Variants in CLEC2B observed in about 807,000 individuals in gnomAD.
CLEC2B encodes C-type (calcium dependent, carbohydrate-recognition domain) lectin, superfamily member 2 (activation-induced).
A neutral mutation model predicts 16.2 loss-of-function variants in CLEC2B; 14 were observed. The observed-to-expected ratio is 0.86, with a 90% CI of 0.57 to 1.35. The LOEUF is 1.35. Ranked by LOEUF, CLEC2B falls within the 40% of genes most tolerant of loss-of-function variation. The pLI, the probability that CLEC2B is intolerant of heterozygous loss-of-function variation, is 0.00. For synonymous variants in CLEC2B, 42 were observed against 55.8 expected (o/e 0.75, Z 1.10); for missense variants, 166 against 182.3 (o/e 0.91, Z 0.52).
intron 4 of CLEC2B, among the ~76,000 whole-genome samples, 196 bp from the exon 5 acceptor site, chr12:9,853,604 G>T (rs1867869394): frequency 6.6e-6 from 1 of 152,154 alleles, no homozygotes; most frequent in Non-Finnish European, 1.5e-5. Flanking sequence ...TGTTAAACTG[G>T]CATTAGGTTG....
In CLEC2B at chr12:9,865,207, A is replaced by G. The variant is rs1469573386; in HGVS notation, c.-2-2634T>C. On this transcript the variant is annotated intron_variant, in intron 1 of 4. Coordinates refer to ENST00000228438, the MANE Select transcript of CLEC2B (RefSeq NM_005127.3). ...AAAAAAAAAAAAAAAAAAAAGCATAAAGTTAAAGTGGCTGACTTGGTAAAG... is the reference window on the plus strand; with the variant it reads ...AAAAAAAAAAAAAAAAAAAAGCATAGAGTTAAAGTGGCTGACTTGGTAAAG... 2.7e-5 allele frequency among the ~76,000 whole-genome samples: 4 copies of G among 150,048 alleles called. No homozygotes were observed. The East Asian group carries it at 7.8e-4, about 29-fold the overall frequency.
chr12:9,853,091 G>GAGAA lies in CLEC2B; in HGVS notation c.*208_*209insTTCT. On this transcript the variant is annotated 3_prime_UTR_variant, in exon 5 of 5. Coordinates refer to ENST00000228438, the MANE Select transcript of CLEC2B (RefSeq NM_005127.3). ...AAAGAAAGAAAGAAAGAAAGAGAGAGAGAGAAAGAAAGAAAGAAAAAAACT... is the reference window on the plus strand; with the variant it reads ...AAAGAAAGAAAGAAAGAAAGAGAGAGAGAAAGAGAAAGAAAGAAAGAAAAAAACT... 1 of 419,822 alleles carries GAGAA rather than the reference G, an allele frequency of 2.4e-6. No homozygotes were observed. The highest frequency in any genetic ancestry group is 4.2e-6 in the Non-Finnish European group (1 of 238,692). 26.0% of individuals were successfully genotyped at this position (419,822 alleles called of 1,614,324 possible).
chr12:9,868,915 T>A (rs11053491), intron 1 of CLEC2B, among the ~76,000 whole-genome samples: 42,118 of 152,022 alleles, frequency 0.28, 7,184 homozygotes, highest in East Asian at 0.63. Context: ...ATCATATCTA[T>A]CATCTTCTCA....
chr12:9,868,114 T>C (rs1303911155), intron 1 of CLEC2B, among the ~76,000 whole-genome samples: 1 of 149,826 alleles, frequency 6.7e-6, no homozygotes, highest in Non-Finnish European at 1.5e-5. Context: ...ATACTGAATA[T>C]ATTATTCAGT....
intron 2 of CLEC2B, among the ~76,000 whole-genome samples, chr12:9,857,848 C>T (rs970419528): frequency 1.3e-5 from 2 of 152,068 alleles, no homozygotes; most frequent in African/African-American, 4.8e-5. Flanking sequence ...TTTCTTTCAA[C>T]TTCAACTTCA....
intron 2 of CLEC2B, 54 bp from the exon 3 acceptor site, chr12:9,857,691 G>A: frequency 7.5e-7 from 1 of 1,340,288 alleles, no homozygotes; most frequent in South Asian, 1.2e-5. Context: ...ATATGCTACT[G>A]TGTTTTGAGA....
rs1591767565 is a variant in CLEC2B, at chr12:9,853,119, G to A, written c.*181C>T. ...AGAAAGAAAGAAAGAAAAAAACTCA[G>A]CAGAATACCTGTAACCATTTTTTGC... On this transcript the variant is annotated 3_prime_UTR_variant, in exon 5 of 5. Coordinates refer to ENST00000228438, the MANE Select transcript of CLEC2B (RefSeq NM_005127.3). 23 of 472,290 alleles carry A rather than the reference G, an allele frequency of 4.9e-5. 2 individuals carry two copies. The highest frequency in any genetic ancestry group is 4.1e-4 in the East Asian group (12 of 29,374). 29.3% of individuals were successfully genotyped at this position (472,290 alleles called of 1,614,324 possible). A position where few individuals can be genotyped will look rare whatever the true frequency, so the allele number is the denominator to read the frequency against.
chr12:9,862,598 T>C, intron 1 of CLEC2B, 25 bp from the exon 2 acceptor site: 2 of 1,413,730 alleles, frequency 1.4e-6, no homozygotes, highest in Non-Finnish European at 9.3e-7. Context: ...TAAAGACATT[T>C]AGGAGACTTC....
intron 3 of CLEC2B, 105 bp from the exon 4 acceptor site, chr12:9,854,589 C>A: frequency 2.7e-6 from 2 of 737,906 alleles, no homozygotes; most frequent in South Asian, 1.5e-5. Context: ...AACAATTGTT[C>A]AACTCCTGGC....
intron 3 of CLEC2B, chr12:9,854,817 A>G: frequency 2.6e-6 from 1 of 387,592 alleles, no homozygotes; most frequent in Non-Finnish European, 4.6e-6. Context: ...ATTTCCAATT[A>G]CCACATATTT....
intron 1 of CLEC2B, among the ~76,000 whole-genome samples, chr12:9,864,133 A>G (rs1190945366): frequency 2.0e-5 from 3 of 149,828 alleles, no homozygotes; most frequent in Non-Finnish European, 4.4e-5. Flanking sequence ...ATACAGACCA[A>G]GAGAAAAGTG....
chr12:9,860,065 TA>T (rs951201738), intron 2 of CLEC2B, among the ~76,000 whole-genome samples: 4 of 151,596 alleles, frequency 2.6e-5, no homozygotes, highest in African/African-American at 9.7e-5. Flanking sequence ...TGGGAAATAT[TA>T]AAAAAATTTT....
chr12:9,854,457 A>G lies in CLEC2B; in HGVS notation c.265T>C (p.Ser89Pro). 6.2e-7 allele frequency: 1 copy of G among 1,613,238 alleles called. No individual in the cohort carries two copies. Among genetic ancestry groups the G allele is most frequent in the Non-Finnish European group, 8.5e-7 (1 of 1,179,236 alleles). The change falls in exon 4 of 5, where the codon TCT (serine) becomes CCT (proline). Residue 89 changes from serine (S) to proline (P), a missense_variant. Coordinates refer to ENST00000228438, the MANE Select transcript of CLEC2B (RefSeq NM_005127.3). The stretch of plus-strand genomic sequence containing the variant: ...ATCTTCAGTCCAATCCAGTGATCAG[A>G]ACTGCATTTATACCGCCTAAGAAAA... ...MNFLRRYKCS[S>P]DHWIGLKMAK...
chr12:9,861,343 T>A (rs1867931026), intron 2 of CLEC2B, among the ~76,000 whole-genome samples: 1 of 151,950 alleles, frequency 6.6e-6, no homozygotes, highest in African/African-American at 2.4e-5. Context: ...GTATTGATCA[T>A]CAGAAAAACG....
intron 2 of CLEC2B, among the ~76,000 whole-genome samples, chr12:9,861,412 A>G (rs1867931685): frequency 1.3e-5 from 2 of 152,088 alleles, no homozygotes; most frequent in South Asian, 4.1e-4. Context: ...AAAATTGATA[A>G]AACCAACAAT....
intron 4 of CLEC2B, among the ~76,000 whole-genome samples, chr12:9,853,609 A>T (rs1281839314): frequency 6.6e-6 from 1 of 152,232 alleles, no homozygotes; most frequent in Non-Finnish European, 1.5e-5. Context: ...AACTGGCATT[A>T]GGTTGGTTAC....
In CLEC2B at chr12:9,866,772, T is replaced by TA. The variant is rs531342028; in HGVS notation, c.-3+2432dup. Among the ~76,000 whole-genome samples, 1,019 of 151,562 alleles carry TA rather than the reference T, an allele frequency of 6.7e-3. 7 individuals carry two copies. Among genetic ancestry groups the TA allele is most frequent in the African/African-American group, 0.022 (929 of 41,342 alleles). On this transcript the variant is annotated intron_variant, in intron 1 of 4. Transcript: ENST00000228438. ...TGCTTAAATCAATGGCCTTTTCAAT[T>TA]AAAAAAAAATCTAGCTTATTGAAGT...
chr12:9,854,335 G>C, intron 4 of CLEC2B, 46 bp downstream of exon 4: 2 of 1,265,016 alleles, frequency 1.6e-6, no homozygotes, highest in South Asian at 1.2e-5. Flanking sequence ...CCTAGAGAAG[G>C]CTGCACTATC....
rs764065996 is a variant in CLEC2B at position 9,853,266 on chromosome 12, AT to A, written c.*33del. On this transcript the variant is annotated 3_prime_UTR_variant, in exon 5 of 5. Coordinates refer to ENST00000228438, the MANE Select transcript of CLEC2B (RefSeq NM_005127.3). ...TGCTGGTTTTACACTTAATAATGTTATTTTCTATTTTCCCCATTATCTTAGA... is the reference window on the plus strand; with the variant it reads ...TGCTGGTTTTACACTTAATAATGTTATTTCTATTTTCCCCATTATCTTAGA... 4 of 1,467,466 alleles carry A rather than the reference AT, an allele frequency of 2.7e-6. No individual in the cohort carries two copies. In the South Asian group the frequency reaches 4.6e-5, roughly 17 times the overall value. The allele number at this position is 1,467,466 out of a possible 1,614,324, so 90.9% of individuals were successfully genotyped here. A position where few individuals can be genotyped will look rare whatever the true frequency, so the allele number is the denominator to read the frequency against.
Sources: allele counts gnomAD v4.1 joint callset (sites outside exome capture counted in the v4.1 genomes callset), GRCh38; gene constraint gnomAD v4.1.1; transcripts MANE v1.5; gene names NCBI Gene and HGNC (gene_info 2026-07-23, HGNC 2026-07-21).